The following CD82 variants were observed in gnomAD, a reference collection of about 807,000 sequenced individuals.
CD82 encodes CD82 antigen.
A neutral mutation model predicts 37.4 loss-of-function variants in CD82; 36 were observed. The observed-to-expected ratio is 0.96, with a 90% CI of 0.74 to 1.27. The LOEUF (loss-of-function observed/expected upper bound fraction) is 1.27, where lower values mean the gene tolerates loss of function less well. CD82 is among the 50% of genes most tolerant of loss of function. CD82 has a pLI of 0.00. For missense variants in CD82, 340 were observed against 347.0 expected (o/e 0.98, Z 0.16); for synonymous variants, 158 against 137.4 (o/e 1.15, Z -1.05).
intron 7 of CD82, among the ~76,000 whole-genome samples, chr11:44,616,228 G>C (rs1853562271): frequency 6.6e-6 from 1 of 152,136 alleles, no homozygotes; most frequent in Non-Finnish European, 1.5e-5. Context: ...ACTCCATCTA[G>C]GTGACATGGA....
intron 4 of CD82, among the ~76,000 whole-genome samples, chr11:44,601,121 A>G (rs1292119164): frequency 6.6e-6 from 1 of 152,104 alleles, no homozygotes; most frequent in East Asian, 1.9e-4. Flanking sequence ...GCACAGCGGA[A>G]GCCCCCAGGG....
chr11:44,615,293 A>G lies in CD82; in HGVS notation c.358A>G (p.Ile120Val), dbSNP rs752996542. The change falls in exon 7 of 10, where the codon ATC becomes GTC. Residue 120 changes from isoleucine (I) to valine (V), a missense_variant. Physicochemically the swap from Ile to Val is conservative, Grantham distance 29. Coordinates refer to ENST00000227155, the MANE Select transcript of CD82 (RefSeq NM_002231.4). ...GCAGCTGAAGCAGGAGATGGGCGGC[A>G]TCGTGACTGAGCTCATTCGAGACTA... ...MGKLKQEMGG[I>V]VTELIRDYNS... 3.7e-6 allele frequency: 6 copies of G among 1,612,826 alleles called. No individual in the cohort carries two copies. In the African/African-American group the frequency reaches 6.7e-5, roughly 18 times the overall value.
At chr11:44,569,870 C>T (rs1273703875) in intron 1 of CD82, among the ~76,000 whole-genome samples, 1 of 152,124 alleles carries the variant, frequency 6.6e-6, no homozygotes, top group Non-Finnish European at 1.5e-5. Flanking sequence ...GTTTTTGAAC[C>T]TGCAAATGGG....
At chr11:44,613,302 C>T (rs568384193) in intron 6 of CD82, among the ~76,000 whole-genome samples, 1 of 152,340 alleles carries the variant, frequency 6.6e-6, no homozygotes, top group East Asian at 1.9e-4. Flanking sequence ...GGGGCTGGCT[C>T]TCGGAGGCTC....
chr11:44,602,943 G>A (rs1853328836), intron 4 of CD82, among the ~76,000 whole-genome samples: 1 of 152,224 alleles, frequency 6.6e-6, no homozygotes, highest in Admixed American at 6.5e-5. Context: ...GGTCCTTGCA[G>A]ACAAATCAGG....
intron 1 of CD82, among the ~76,000 whole-genome samples, chr11:44,569,503 G>A (rs990535059): frequency 6.6e-6 from 1 of 152,138 alleles, no homozygotes; most frequent in African/African-American, 2.4e-5. Flanking sequence ...TTCTCTCTGG[G>A]ATTCCTTCCC....
chr11:44,607,094 C>T (rs540082423), intron 6 of CD82, among the ~76,000 whole-genome samples: 18 of 152,244 alleles, frequency 1.2e-4, no homozygotes, highest in Admixed American at 8.5e-4. Context: ...GTGGCAGAGC[C>T]GGCAGCCAGA....
chr11:44,605,608 C>A (rs761588597), intron 6 of CD82, among the ~76,000 whole-genome samples, 179 bp downstream of exon 6: 5 of 152,118 alleles, frequency 3.3e-5, no homozygotes, highest in Non-Finnish European at 7.4e-5. Flanking sequence ...GAAGAGAAGG[C>A]GGCAGGTGTG....
chr11:44,582,596 C>T (rs562443112), intron 1 of CD82, among the ~76,000 whole-genome samples: 1 of 152,156 alleles, frequency 6.6e-6, no homozygotes, highest in Non-Finnish European at 1.5e-5. Context: ...TTAGATCTCT[C>T]TCAGGGCCCG....
chr11:44,575,930 G>A lies in CD82; in HGVS notation c.-103+10194G>A, dbSNP rs369469623. The stretch of plus-strand genomic sequence containing the variant: ...GGAGGGCTAGTACTGGAACCCTGGC[G>A]CTGTCACGTTCCCCACCTTGACTTC... On this transcript the variant is annotated intron_variant, in intron 1 of 9. Coordinates refer to ENST00000227155, the MANE Select transcript of CD82 (RefSeq NM_002231.4). 4.6e-5 allele frequency among the ~76,000 whole-genome samples: 7 copies of A among 152,318 alleles called. No individual in the cohort carries two copies. The East Asian group carries it at 7.7e-4, about 17-fold the overall frequency.
chr11:44,618,213 C>T lies in CD82; in HGVS notation c.490C>T (p.Leu164Phe), dbSNP rs1853593782. 2 of 1,614,110 alleles carry T rather than the reference C, an allele frequency of 1.2e-6. No individual in the cohort carries two copies. Among genetic ancestry groups the T allele is most frequent in the Non-Finnish European group, 1.7e-6 (2 of 1,180,038 alleles). Residue 164 changes from leucine (L) to phenylalanine (F), a missense_variant, in exon 8 of 10, where the codon CTC becomes TTC. Coordinates refer to ENST00000227155, the MANE Select transcript of CD82 (RefSeq NM_002231.4). ...CTACAACTGGACAGACAACGCTGAG[C>T]TCATGAATCGCCCTGAGGTCACCTA... The part of the protein sequence containing the change: ...SFYNWTDNAE[L>F]MNRPEVTYPC...
chr11:44,594,848 G>A, intron 3 of CD82, 123 bp downstream of exon 3: 2 of 775,874 alleles, frequency 2.6e-6, no homozygotes, highest in South Asian at 1.5e-5. Flanking sequence ...GGTAGGGACT[G>A]AGGACGAACT....
chr11:44,607,507 GTT>G lies in CD82; in HGVS notation c.336+2080_336+2081del, dbSNP rs1392461503. ...ATTAGAACCAGGCCCCAGTGAGCCG[GTT>G]TCTATGACTCAGAAGCTGGTCGCCT... On this transcript the variant is annotated intron_variant, in intron 6 of 9. Transcript: ENST00000227155. Among the ~76,000 whole-genome samples, 10 of 152,318 alleles carry G rather than the reference GTT, an allele frequency of 6.6e-5. No homozygotes were observed. In the South Asian group the frequency reaches 2.1e-3, roughly 32 times the overall value.
chr11:44,572,984 G>C (rs566429042), intron 1 of CD82: 88 of 152,446 alleles, frequency 5.8e-4, no homozygotes, highest in African/African-American at 2.0e-3. Flanking sequence ...GCAGAGAACA[G>C]CCCAGACAGA....
intron 8 of CD82, 51 bp downstream of exon 8, chr11:44,618,416 C>T (rs942823019): frequency 2.7e-6 from 4 of 1,508,174 alleles, no homozygotes; most frequent in Non-Finnish European, 3.7e-6. Context: ...CGTTGGGGGC[C>T]ATCTGGGCTA....
Position 44,618,730 on chromosome 11 carries a change from GC to G in CD82, c.726+12del, listed in dbSNP as rs769089689. Reference sequence around the variant, plus strand: ...GGGTGTGGCCATCATCGAGGTCTGAGCCCCCTCCCCCATCCCTTCTCCATCC... The same window carrying G: ...GGGTGTGGCCATCATCGAGGTCTGAGCCCCTCCCCCATCCCTTCTCCATCC... On this transcript the variant is annotated splice_region_variant and intron_variant, in intron 9 of 9. Transcript: ENST00000227155. 39 of 1,609,484 alleles carry G rather than the reference GC, an allele frequency of 2.4e-5. No homozygotes were observed. Among genetic ancestry groups the G allele is most frequent in the Non-Finnish European group, 3.0e-5 (35 of 1,176,496 alleles).
In CD82 at chr11:44,597,473, G is replaced by A. The variant is rs987108176; in HGVS notation, c.64-2685G>A. Among the ~76,000 whole-genome samples the A allele has an allele frequency of 1.3e-5, 2 of 152,254 alleles. No homozygotes were observed. Among genetic ancestry groups the A allele is most frequent in the African/African-American group, 4.8e-5 (2 of 41,464 alleles). ...TGGTAGGCTGCCCAGCCTCCTTTCT[G>A]GCTCTGCCACAGCCCCGTGGCTAAT... On this transcript the variant is annotated intron_variant, in intron 3 of 9. Transcript: ENST00000227155. This position sits in a 1 kb window ranked among gnomAD's most constrained non-coding sequence, Gnocchi z 4.1.
At chr11:44,587,381 C>T (rs767498564) in intron 1 of CD82, 94 bp from the exon 2 acceptor site, 71 of 450,016 alleles carry the variant, frequency 1.6e-4, no homozygotes, top group South Asian at 9.9e-4. Flanking sequence ...GCCGGCCACA[C>T]GGGGAGCCTG....
chr11:44,573,393 A>C (rs1331734694), intron 1 of CD82, among the ~76,000 whole-genome samples: 1 of 152,224 alleles, frequency 6.6e-6, no homozygotes, highest in Admixed American at 6.5e-5. Context: ...TCGTATATAG[A>C]GGAAATAGAA....
Sources: gnomAD v4.1 joint callset for allele counts (sites outside exome capture counted in the v4.1 genomes callset) on GRCh38, gnomAD v4.1.1 for gene constraint, Gnocchi (gnomAD v3.1) non-coding constraint, MANE v1.5 for transcripts, NCBI Gene and HGNC (gene_info 2026-07-23, HGNC 2026-07-21) for gene names.